Variants in PSORS1C1 observed in about 807,000 individuals in gnomAD.
The protein encoded by PSORS1C1 is psoriasis susceptibility 1 candidate 1.
In PSORS1C1, 7 loss-of-function variants were observed where a neutral mutation model predicts 9.4. That is an observed-to-expected ratio of 0.75 (90% confidence interval 0.42 to 1.40). PSORS1C1 has a LOEUF of 1.40. Among genes scored for constraint, PSORS1C1 ranks in the 40% most tolerant of loss-of-function variants. The pLI is 0.01. For synonymous variants in PSORS1C1, 63 were observed against 69.4 expected (o/e 0.91, Z 0.46); for missense variants, 146 against 178.1 (o/e 0.82, Z 1.02).
chr6:31,118,850 T>G (rs1228076791), intron 1 of PSORS1C1: 3 of 144,830 alleles, frequency 2.1e-5, no homozygotes, highest in Non-Finnish European at 4.6e-5. Context: ...CTTCTTTTTT[T>G]TTTTTTTTTT....
rs761421507 is a variant in PSORS1C1 at position 31,115,077 on chromosome 6, A to G, written c.-229+186A>G. 1.7e-5 allele frequency: 6 copies of G among 357,936 alleles called. No homozygotes were observed. The highest frequency in any genetic ancestry group is 3.7e-5 in the Admixed American group (1 of 26,724). 22.2% of individuals were successfully genotyped at this position (357,936 alleles called of 1,614,324 possible). On this transcript the variant is annotated intron_variant, in intron 1 of 5. Coordinates refer to ENST00000259881, the MANE Select transcript of PSORS1C1 (RefSeq NM_014068.3). This position sits in a 1 kb window ranked among gnomAD's most constrained non-coding sequence, Gnocchi z 4.2. ...AAATGGCGGAAGGATCTGGGAGGCC[A>G]GGCAATCTCTGCTTTCAGTTCAACA... is the stretch of plus-strand genomic sequence containing the variant.
At chr6:31,138,080 AG>A (rs79153019) in intron 3 of PSORS1C1, 154,203 of 1,568,160 alleles carry the variant, frequency 0.098, 8,415 homozygotes, top group Non-Finnish European at 0.11. Flanking sequence ...CAGGCCGGGG[AG>A]GTTGAGGAGG....
intron 2 of PSORS1C1, among the ~76,000 whole-genome samples, chr6:31,127,505 C>T (rs1304014959): frequency 1.3e-5 from 2 of 151,778 alleles, no homozygotes; most frequent in African/African-American, 2.4e-5. Flanking sequence ...AGCTCGGTGC[C>T]GAGGTCTGCC....
chr6:31,128,209 G>C lies in PSORS1C1; in HGVS notation c.-64-1360G>C. Among the ~76,000 whole-genome samples the C allele has an allele frequency of 6.6e-6, 1 of 152,190 alleles. No individual in the cohort carries two copies. Among genetic ancestry groups the C allele is most frequent in the East Asian group, 1.9e-4 (1 of 5,186 alleles). ...GGGACACCTGTGTGCCTTGATGGTG[G>C]ACCCAGGGAGTGGATGACATTAGTG... On this transcript the variant is annotated intron_variant, in intron 2 of 5. Transcript: ENST00000259881. This position sits in a 1 kb window ranked among gnomAD's most constrained non-coding sequence, Gnocchi z 4.3.
Position 31,139,553 on chromosome 6 carries a change from A to C in PSORS1C1, c.168-88A>C. ...CCTCCCCACTCACCCCCGCACTGAAAGCTCCCCCTGGGGCTTCGTGCTTTC... is the reference window on the plus strand; with the variant it reads ...CCTCCCCACTCACCCCCGCACTGAACGCTCCCCCTGGGGCTTCGTGCTTTC... On this transcript the variant is annotated intron_variant, in intron 5 of 5. Coordinates refer to ENST00000259881, the MANE Select transcript of PSORS1C1 (RefSeq NM_014068.3). This position sits in a 1 kb window ranked among gnomAD's most constrained non-coding sequence, Gnocchi z 5.2. The C allele has an allele frequency of 7.3e-7, 1 of 1,363,328 alleles. No homozygotes were observed. The highest frequency in any genetic ancestry group is 1.0e-6 in the Non-Finnish European group (1 of 993,958). The allele number at this position is 1,363,328 out of a possible 1,614,324, so 84.5% of individuals were successfully genotyped here. A position where few individuals can be genotyped will look rare whatever the true frequency, so the allele number is the denominator to read the frequency against.
chr6:31,116,887 G>A (rs1267043253), intron 1 of PSORS1C1: 3 of 1,614,052 alleles, frequency 1.9e-6, no homozygotes, highest in Non-Finnish European at 2.5e-6. Flanking sequence ...CACAGAGTGG[G>A]AGCTGGGGAT....
chr6:31,138,890 C>T, intron 5 of PSORS1C1, 111 bp downstream of exon 5: 1 of 1,599,116 alleles, frequency 6.3e-7, no homozygotes, highest in South Asian at 1.1e-5. Flanking sequence ...TGTCCCCAAC[C>T]CCATGCGTCC....
At chr6:31,121,225 A>C (rs1467167507) in intron 1 of PSORS1C1, among the ~76,000 whole-genome samples, 1 of 151,518 alleles carries the variant, frequency 6.6e-6, no homozygotes, top group Non-Finnish European at 1.5e-5. Flanking sequence ...TGGGCTGATG[A>C]CCTCTGTCAA....
intron 1 of PSORS1C1, among the ~76,000 whole-genome samples, chr6:31,124,136 G>T (rs1283578865): frequency 6.6e-6 from 1 of 152,166 alleles, no homozygotes; most frequent in Non-Finnish European, 1.5e-5. Context: ...GATTCTATAG[G>T]AATTGCAGTA....
In PSORS1C1 at chr6:31,131,853, A is replaced by T. The variant is rs543865667; in HGVS notation, c.13+2208A>T. ...TGCCCTATGGCACATGCGCAGTAGA[A>T]AGTAGTTGCAATAGTGTGTAGCAAA... On this transcript the variant is annotated intron_variant, in intron 3 of 5. Transcript: ENST00000259881. Among the ~76,000 whole-genome samples the T allele has an allele frequency of 2.0e-5, 3 of 152,364 alleles. No individual in the cohort carries two copies. The East Asian group carries it at 5.8e-4, about 29-fold the overall frequency.
At chr6:31,124,275 G>C (rs146204798) in intron 1 of PSORS1C1, among the ~76,000 whole-genome samples, 17 of 152,262 alleles carry the variant, frequency 1.1e-4, no homozygotes, top group Non-Finnish European at 2.1e-4. Flanking sequence ...GGGGCAAGTT[G>C]AGGGACTCCA....
chr6:31,117,071 A>T, intron 1 of PSORS1C1: 1 of 1,614,118 alleles, frequency 6.2e-7, no homozygotes, highest in Non-Finnish European at 8.5e-7. Context: ...CCGCGGTAAG[A>T]GTTGTCATTG....
chr6:31,128,405 T>C lies in PSORS1C1; in HGVS notation c.-64-1164T>C, dbSNP rs3909110. On this transcript the variant is annotated intron_variant, in intron 2 of 5. Coordinates refer to ENST00000259881, the MANE Select transcript of PSORS1C1 (RefSeq NM_014068.3). The surrounding 1 kb of genome is among the most constrained non-coding windows in gnomAD (Gnocchi z 4.3). The stretch of plus-strand genomic sequence containing the variant: ...CCTAAAGTCCCATCCCAAGGTCACA[T>C]AGAGAACGAATGGCTAAGTAGCGAC... Among the ~76,000 whole-genome samples the C allele has an allele frequency of 0.24, 37,046 of 152,024 alleles. 4,873 individuals are homozygous for C. The highest frequency in any genetic ancestry group is 0.37 in the Middle Eastern group (110 of 294).
At chr6:31,138,816 AC>A (rs781668736) in intron 5 of PSORS1C1, 37 bp downstream of exon 5, 1 of 1,613,098 alleles carries the variant, frequency 6.2e-7, no homozygotes, top group Non-Finnish European at 8.5e-7. Flanking sequence ...CATGTCCCCC[AC>A]CCAATGTGTC....
intron 3 of PSORS1C1, chr6:31,133,421 T>C (rs970089671): frequency 6.6e-6 from 1 of 152,216 alleles, no homozygotes; most frequent in African/African-American, 2.4e-5. Context: ...CAAGGGCTGG[T>C]CCCTAGAGCT....
At chr6:31,129,863 A>C (rs1772830383) in intron 3 of PSORS1C1, among the ~76,000 whole-genome samples, 1 of 152,210 alleles carries the variant, frequency 6.6e-6, no homozygotes, top group Admixed American at 6.5e-5. Flanking sequence ...CATGCTGTAA[A>C]GAGCCCCAGC....
chr6:31,130,492 A>T (rs1414712113), intron 3 of PSORS1C1, among the ~76,000 whole-genome samples: 1 of 151,882 alleles, frequency 6.6e-6, no homozygotes, highest in Non-Finnish European at 1.5e-5. Context: ...GCTCACTGCA[A>T]CGTCCGCCTC....
In PSORS1C1 at chr6:31,139,638, C is replaced by T; in HGVS notation, c.168-3C>T. The T allele has an allele frequency of 6.2e-7, 1 of 1,609,744 alleles. No homozygotes were observed. The highest frequency in any genetic ancestry group is 2.2e-5 in the East Asian group (1 of 44,800). The stretch of plus-strand genomic sequence containing the variant: ...TCCTGCTCTCCACCATGTCCTTCTT[C>T]AGGCATGCAGGGGACCTCCAAGCAA... On this transcript the variant is annotated splice_polypyrimidine_tract_variant and splice_region_variant and intron_variant, in intron 5 of 5. Coordinates refer to ENST00000259881, the MANE Select transcript of PSORS1C1 (RefSeq NM_014068.3). The surrounding 1 kb of genome is among the most constrained non-coding windows in gnomAD (Gnocchi z 5.2).
At chr6:31,134,508 T>G (rs1002264818) in intron 3 of PSORS1C1, among the ~76,000 whole-genome samples, 10 of 151,980 alleles carry the variant, frequency 6.6e-5, no homozygotes, top group Non-Finnish European at 1.5e-4. Flanking sequence ...GGTTTCACCA[T>G]GTTAGCCAGG....
Sources: gnomAD v4.1 joint callset for allele counts (sites outside exome capture counted in the v4.1 genomes callset) on GRCh38, gnomAD v4.1.1 for gene constraint, Gnocchi (gnomAD v3.1) non-coding constraint, MANE v1.5 for transcripts, NCBI Gene and HGNC (gene_info 2026-07-23, HGNC 2026-07-21) for gene names.